Variants in ZNF609 observed in about 807,000 individuals in gnomAD.
ZNF609 encodes the protein zinc finger protein 609.
Under a neutral mutation model 109.5 loss-of-function variants are expected in ZNF609, and 11 were observed. That is an observed-to-expected ratio of 0.10 (90% confidence interval 0.06 to 0.17). The LOEUF (loss-of-function observed/expected upper bound fraction) is 0.17, where lower values mean the gene tolerates loss of function less well. Among genes scored for constraint, ZNF609 ranks in the 10% least tolerant of loss-of-function variants. The probability of loss-of-function intolerance (pLI) is 1.00; values close to 1 mark genes in which losing one functional copy is unlikely to be tolerated. For synonymous variants in ZNF609, 646 were observed against 662.0 expected (o/e 0.98, Z 0.37); for missense variants, 1,559 against 1,772.4 (o/e 0.88, Z 2.16).
intron 2 of ZNF609, among the ~76,000 whole-genome samples, chr15:64,612,098 T>C (rs1191747723): frequency 1.3e-5 from 2 of 151,678 alleles, no homozygotes; most frequent in South Asian, 2.1e-4. Context: ...TAGGTACTGA[T>C]TGGTTAAAAT....
intron 5 of ZNF609, among the ~76,000 whole-genome samples, chr15:64,676,785 G>A (rs1448632387): frequency 2.0e-5 from 3 of 149,978 alleles, no homozygotes; most frequent in Non-Finnish European, 4.4e-5. Context: ...ATGGAGTCTG[G>A]CACTGTCACC....
At chr15:64,528,522 G>A (rs1894006550) in intron 2 of ZNF609, 3 of 508,684 alleles carry the variant, frequency 5.9e-6, no homozygotes, top group Non-Finnish European at 1.1e-5. Context: ...GGCACCCTAG[G>A]CCCCTCCCTC....
chr15:64,596,552 T>G (rs1444110649), intron 2 of ZNF609, among the ~76,000 whole-genome samples: 4 of 152,216 alleles, frequency 2.6e-5, no homozygotes, highest in Non-Finnish European at 5.9e-5. Flanking sequence ...TCTCATCTTT[T>G]GGGCCTCAGT....
chr15:64,619,623 CTAAG>C (rs1267708821), intron 2 of ZNF609, among the ~76,000 whole-genome samples: 1 of 152,164 alleles, frequency 6.6e-6, no homozygotes, highest in Non-Finnish European at 1.5e-5. Flanking sequence ...TTTTAATTAA[CTAAG>C]TAATTAAATA....
intron 2 of ZNF609, among the ~76,000 whole-genome samples, chr15:64,557,351 CCTT>C (rs751928371): frequency 1.5e-3 from 235 of 151,854 alleles, no homozygotes; most frequent in African/African-American, 5.2e-3. Context: ...CTCTTCTACT[CCTT>C]CTTCTGCACC....
chr15:64,495,029 T>C (rs1407701278), intron 1 of ZNF609, among the ~76,000 whole-genome samples: 4 of 152,180 alleles, frequency 2.6e-5, no homozygotes, highest in Non-Finnish European at 5.9e-5. Context: ...TCAGATGTTT[T>C]TTTCGCCTCC....
intron 4 of ZNF609, among the ~76,000 whole-genome samples, chr15:64,673,289 T>G (rs1896763061): frequency 6.6e-6 from 1 of 152,212 alleles, no homozygotes; most frequent in Admixed American, 6.5e-5. Flanking sequence ...ATCTTTAGAT[T>G]TACAAGGGAA....
rs559140056 is a variant in ZNF609 at position 64,608,909 on chromosome 15, T to G, written c.748-13918T>G. Among the ~76,000 whole-genome samples, 5 of 151,982 alleles carry G rather than the reference T, an allele frequency of 3.3e-5. No homozygotes were observed. In the East Asian group the frequency reaches 7.7e-4, roughly 24 times the overall value. The stretch of plus-strand genomic sequence containing the variant: ...ATGTGCAACCATGCCCAGCTAATTT[T>G]TTTTATTTTTAAAGATGGGGTCTTC... On this transcript the variant is annotated intron_variant, in intron 2 of 9. Transcript: ENST00000326648.
intron 2 of ZNF609, among the ~76,000 whole-genome samples, chr15:64,534,156 C>T (rs1470459557): frequency 1.1e-4 from 16 of 151,564 alleles, no homozygotes; most frequent in Admixed American, 1.1e-3. Flanking sequence ...GGATTACAGG[C>T]ATGCACTGCC....
chr15:64,634,432 G>A (rs967076980), intron 3 of ZNF609, among the ~76,000 whole-genome samples: 1 of 152,098 alleles, frequency 6.6e-6, no homozygotes, highest in African/African-American at 2.4e-5. Context: ...TTCACTAAAG[G>A]GAAGGGGCTC....
chr15:64,477,420 G>A (rs1893189729), intron 1 of ZNF609, among the ~76,000 whole-genome samples: 2 of 151,576 alleles, frequency 1.3e-5, no homozygotes, highest in Admixed American at 6.6e-5. Flanking sequence ...GATTACAGGC[G>A]TGAGCCACCA....
chr15:64,598,228 C>T (rs534092150), intron 2 of ZNF609, among the ~76,000 whole-genome samples: 5 of 152,232 alleles, frequency 3.3e-5, no homozygotes, highest in African/African-American at 1.2e-4. Flanking sequence ...GATTCTTGTG[C>T]CTCAGCCACC....
chr15:64,518,284 GAATT>G (rs1470919384), intron 2 of ZNF609, among the ~76,000 whole-genome samples: 3 of 152,160 alleles, frequency 2.0e-5, no homozygotes, highest in Non-Finnish European at 4.4e-5. Context: ...GGATAAGCAG[GAATT>G]AGACAGGTGA....
chr15:64,680,736 G>C lies in ZNF609; in HGVS notation c.4036G>C (p.Gly1346Arg), dbSNP rs139876697. The C allele has an allele frequency of 6.2e-7, 1 of 1,613,424 alleles. No individual in the cohort carries two copies. Among genetic ancestry groups the C allele is most frequent in the African/African-American group, 1.3e-5 (1 of 74,888 alleles). The change falls in exon 8 of 10, where the codon GGG becomes CGG. Residue 1346 changes from glycine to arginine, a missense_variant. By Grantham distance (125) the Gly-to-Arg change is moderately radical. Coordinates refer to ENST00000326648, the MANE Select transcript of ZNF609 (RefSeq NM_015042.2). ...GSCSSVGGAS[G>R]GERSVDRPRT... ...CTGTAGCAGCGTCGGGGGAGCAAGT[G>C]GGGGTGAACGGAGTGTTGACCGGCC...
chr15:64,477,326 GA>G (rs1222878809), intron 1 of ZNF609, among the ~76,000 whole-genome samples: 1 of 151,604 alleles, frequency 6.6e-6, no homozygotes, highest in African/African-American at 2.4e-5. Context: ...ATTTTTAGTA[GA>G]GATGGGGTTT....
At chr15:64,663,082 A>G (rs73454970) in intron 3 of ZNF609, among the ~76,000 whole-genome samples, 7,555 of 152,212 alleles carry the variant, frequency 0.05, 611 homozygotes, top group African/African-American at 0.17. Flanking sequence ...CAGAGAAATG[A>G]TAGGATATGA....
At chr15:64,497,526 G>A (rs1893498588) in intron 1 of ZNF609, among the ~76,000 whole-genome samples, 1 of 152,170 alleles carries the variant, frequency 6.6e-6, no homozygotes, top group South Asian at 2.1e-4. Context: ...GGCATTTACA[G>A]ATCTCTACAA....
At chr15:64,576,450 A>G (rs1894954105) in intron 2 of ZNF609, among the ~76,000 whole-genome samples, 1 of 147,608 alleles carries the variant, frequency 6.8e-6, no homozygotes, top group South Asian at 2.1e-4. Flanking sequence ...TTTGTTCTAG[A>G]AAAAAAAAAA....
chr15:64,466,607 C>T (rs1220482406), intron 1 of ZNF609, among the ~76,000 whole-genome samples: 1 of 152,172 alleles, frequency 6.6e-6, no homozygotes, highest in East Asian at 1.9e-4. Flanking sequence ...AGTGATCTAC[C>T]TAAAGCTAAG....
Sources: allele counts gnomAD v4.1 joint callset (sites outside exome capture counted in the v4.1 genomes callset), GRCh38; gene constraint gnomAD v4.1.1; transcripts MANE v1.5; gene names NCBI Gene and HGNC (gene_info 2026-07-23, HGNC 2026-07-21).